Variants in CSMD1 observed in about 807,000 individuals in gnomAD.
CSMD1 encodes CUB and Sushi multiple domains 1, also known as CUB and sushi domain-containing protein 1.
A neutral mutation model predicts 417.5 loss-of-function variants in CSMD1; 213 were observed. The ratio of observed to expected loss-of-function variants is 0.51; its 90% CI spans 0.46 to 0.57. CSMD1 has a LOEUF of 0.57. Ranked by LOEUF, CSMD1 falls within the 20% of genes least tolerant of loss-of-function variation. The probability of loss-of-function intolerance (pLI) is 0.00; values close to 1 mark genes in which losing one functional copy is unlikely to be tolerated. For missense variants in CSMD1, 6,923 were observed against 4,529.7 expected, an observed-to-expected ratio of 1.53 and a Z score of -15.17; for synonymous variants, 2,862 against 1,736.8, an observed-to-expected ratio of 1.65 and a Z score of -16.11.
Position 4,577,329 on chromosome 8 carries a change from C to T in CSMD1, c.302+60013G>A, listed in dbSNP as rs1431733273. On this transcript the variant is annotated intron_variant, in intron 2 of 69. Coordinates refer to ENST00000635120, the MANE Select transcript of CSMD1 (RefSeq NM_033225.6). ...CTAAAATTATTTCAATAATGATGCC[C>T]CAAAATATTTAGGAGAGCTTATTTC... Among the ~76,000 whole-genome samples the T allele has an allele frequency of 2.6e-5, 4 of 152,148 alleles. No individual in the cohort carries two copies. The East Asian group carries it at 5.8e-4, about 22-fold the overall frequency.
chr8:4,211,015 A>C (rs1473500768), intron 3 of CSMD1, among the ~76,000 whole-genome samples: 2 of 152,198 alleles, frequency 1.3e-5, no homozygotes, highest in Non-Finnish European at 2.9e-5. Flanking sequence ...CAATGAAATA[A>C]AAGTTTCAAA....
intron 3 of CSMD1, among the ~76,000 whole-genome samples, chr8:4,337,197 A>C (rs1800222479): frequency 6.6e-6 from 1 of 152,090 alleles, no homozygotes; most frequent in Non-Finnish European, 1.5e-5. Flanking sequence ...TTATCTCAAA[A>C]GGGGAGACTT....
intron 8 of CSMD1, among the ~76,000 whole-genome samples, chr8:3,604,167 A>C (rs559484086): frequency 1.8e-4 from 27 of 152,230 alleles, no homozygotes; most frequent in Non-Finnish European, 3.7e-4. Flanking sequence ...TACGGGGCTC[A>C]GAATCTTGTG....
At chr8:3,392,597 C>T (rs938643947) in intron 17 of CSMD1, among the ~76,000 whole-genome samples, 2 of 152,024 alleles carry the variant, frequency 1.3e-5, no homozygotes, top group African/African-American at 4.8e-5. Context: ...TCCCTGGAGC[C>T]CGGGATCTGC....
intron 5 of CSMD1, among the ~76,000 whole-genome samples, chr8:3,939,691 A>C (rs543393045): frequency 7.2e-5 from 11 of 152,304 alleles, no homozygotes; most frequent in South Asian, 6.2e-4. Context: ...CAGCCACATA[A>C]AAAGGAAAAA....
chr8:2,986,525 CAG>C (rs1383455908), intron 54 of CSMD1, among the ~76,000 whole-genome samples: 4 of 151,930 alleles, frequency 2.6e-5, no homozygotes, highest in African/African-American at 9.7e-5. Context: ...TTTTTTGAGA[CAG>C]AGTCTCACTC....
intron 3 of CSMD1, among the ~76,000 whole-genome samples, chr8:4,153,513 GA>G (rs1364928537): frequency 2.6e-5 from 4 of 152,164 alleles, no homozygotes; most frequent in African/African-American, 7.2e-5. Context: ...CACAATTGTT[GA>G]ATTACAAAGC....
chr8:3,175,188 C>G (rs1820829987), intron 37 of CSMD1, among the ~76,000 whole-genome samples: 1 of 152,138 alleles, frequency 6.6e-6, no homozygotes, highest in Non-Finnish European at 1.5e-5. Context: ...ATACTTTGAA[C>G]ATTCAACTAT....
chr8:3,959,751 C>T (rs78570328), intron 5 of CSMD1, among the ~76,000 whole-genome samples: 1 of 152,136 alleles, frequency 6.6e-6, no homozygotes, highest in African/African-American at 2.4e-5. Context: ...CACACTCAAA[C>T]TTAGGTATGT....
intron 1 of CSMD1, among the ~76,000 whole-genome samples, chr8:4,643,214 AAAC>A (rs1803313756): frequency 6.6e-6 from 1 of 152,344 alleles, no homozygotes; most frequent in South Asian, 2.1e-4. Context: ...CTCCTTTCTA[AAAC>A]AACATCATTG....
intron 5 of CSMD1, among the ~76,000 whole-genome samples, chr8:3,761,252 T>G (rs528503014): frequency 6.6e-6 from 1 of 152,272 alleles, no homozygotes; most frequent in South Asian, 2.1e-4. Flanking sequence ...TATGTGTGTG[T>G]GTATACACAC....
At chr8:3,523,085 T>A (rs994103930) in intron 10 of CSMD1, among the ~76,000 whole-genome samples, 21 of 151,346 alleles carry the variant, frequency 1.4e-4, no homozygotes, top group African/African-American at 5.1e-4. Flanking sequence ...GGTCTCTAAC[T>A]CCACATCCAA....
intron 5 of CSMD1, among the ~76,000 whole-genome samples, chr8:3,974,955 C>G (rs1055174667): frequency 2.6e-5 from 4 of 152,078 alleles, no homozygotes; most frequent in Non-Finnish European, 5.9e-5. Context: ...AAACTAACAC[C>G]TGTTAAGAAT....
intron 25 of CSMD1, 173 bp from the exon 26 acceptor site, chr8:3,284,519 C>G (rs1183100163): frequency 6.5e-6 from 4 of 612,812 alleles, no homozygotes; most frequent in South Asian, 1.9e-5. Context: ...GAAGATAATT[C>G]AGGAGTGTAA....
chr8:4,270,824 A>T (rs1390702905), intron 3 of CSMD1, among the ~76,000 whole-genome samples: 1 of 151,994 alleles, frequency 6.6e-6, no homozygotes, highest in Non-Finnish European at 1.5e-5. Context: ...GCCGCCCACC[A>T]CACTCCGTGA....
At chr8:4,525,594 A>C (rs11136747) in intron 2 of CSMD1, among the ~76,000 whole-genome samples, 18,054 of 152,206 alleles carry the variant, frequency 0.12, 1,520 homozygotes, top group African/African-American at 0.22. Context: ...TCTGGTTTAT[A>C]CATGAAGTAT....
chr8:3,789,394 T>TG (rs1413820637), intron 5 of CSMD1, among the ~76,000 whole-genome samples: 1 of 49,378 alleles, frequency 2.0e-5, no homozygotes, highest in African/African-American at 5.5e-5. Context: ...AGTAGTGTTT[T>TG]TTTTTTTAAG....
intron 2 of CSMD1, among the ~76,000 whole-genome samples, chr8:4,621,123 G>C (rs1423749539): frequency 6.6e-6 from 1 of 152,018 alleles, no homozygotes; most frequent in Admixed American, 6.6e-5. Context: ...CTTAGGACCA[G>C]ACGTATTTCA....
intron 12 of CSMD1, 101 bp from the exon 13 acceptor site, chr8:3,409,706 C>T: frequency 1.2e-6 from 1 of 867,686 alleles, no homozygotes; most frequent in East Asian, 2.7e-5. Flanking sequence ...TTTTGCTGAA[C>T]TAAACATCAT....
Sources: allele counts gnomAD v4.1 joint callset (sites outside exome capture counted in the v4.1 genomes callset), GRCh38; gene constraint gnomAD v4.1.1; transcripts MANE v1.5; gene names NCBI Gene and HGNC (gene_info 2026-07-23, HGNC 2026-07-21).